DENND6A: variants seen among roughly 807,000 people sequenced by gnomAD.
The protein encoded by DENND6A is DENN domain containing 6A.
In DENND6A, 43 loss-of-function variants were observed where a neutral mutation model predicts 95.5. The observed-to-expected ratio is 0.45, with a 90% confidence interval of 0.35 to 0.58. The LOEUF is 0.58. Among genes scored for constraint, DENND6A ranks in the 20% least tolerant of loss-of-function variants. DENND6A has a pLI of 0.00. For synonymous variants in DENND6A, 257 were observed against 260.4 expected (o/e 0.99, Z 0.13); for missense variants, 574 against 736.0 (o/e 0.78, Z 2.55).
At chr3:57,665,999 T>A in intron 4 of DENND6A, 124 bp downstream of exon 4, 4 of 625,246 alleles carry the variant, frequency 6.4e-6, no homozygotes, top group Non-Finnish European at 1.1e-5. Context: ...CTTTGGAAAT[T>A]CAGCTATATA....
chr3:57,679,364 T>C (rs1575864278), intron 1 of DENND6A: 1 of 347,708 alleles, frequency 2.9e-6, no homozygotes, highest in Non-Finnish European at 4.0e-6. Context: ...TTCTTTTTCA[T>C]TGTTGTTGTT....
intron 1 of DENND6A, among the ~76,000 whole-genome samples, chr3:57,675,812 C>T (rs532942495): frequency 4.6e-5 from 7 of 152,350 alleles, no homozygotes; most frequent in African/African-American, 1.7e-4. Context: ...AAATTACACA[C>T]TCAGTGCTTG....
In DENND6A at chr3:57,665,674, T is replaced by TA. The variant is rs965549829; in HGVS notation, c.432+448dup. Among the ~76,000 whole-genome samples, 13 of 151,436 alleles carry TA rather than the reference T, an allele frequency of 8.6e-5. No homozygotes were observed. In the East Asian group the frequency reaches 9.7e-4, roughly 11 times the overall value. The stretch of plus-strand genomic sequence containing the variant: ...CAGATGAAAACGTTCCTCATGTACT[T>TA]AAAAAAAAATCTAGGCTGTAAGGTC... On this transcript the variant is annotated intron_variant, in intron 4 of 19. Coordinates refer to ENST00000311128, the MANE Select transcript of DENND6A (RefSeq NM_152678.3).
chr3:57,630,943 T>G lies in DENND6A; in HGVS notation c.1389A>C (p.Lys463Asn). 6.2e-7 allele frequency: 1 copy of G among 1,613,550 alleles called. No individual in the cohort carries two copies. Among genetic ancestry groups the G allele is most frequent in the East Asian group, 2.2e-5 (1 of 44,850 alleles). ...TTCATACCTTCCATGGGGAAATACT[T>G]TTCTGCAAAGGCATCAAGCTTGCCA... ...RYVASLMPLQ[K>N]SISPWKSPPQ... The change falls in exon 16 of 20, where the codon AAA becomes AAC. Residue 463 changes from lysine (K) to asparagine (N), a missense_variant. Around this residue, in one of 2 missense-constraint regions of DENND6A, gnomAD observed 452 missense variants for 630.9 expected, o/e 0.72. Transcript: ENST00000311128.
intron 1 of DENND6A, among the ~76,000 whole-genome samples, chr3:57,676,445 A>C (rs542374590): frequency 6.6e-6 from 1 of 151,680 alleles, no homozygotes; most frequent in African/African-American, 2.4e-5. Context: ...ATCCTTCTCT[A>C]ATCTTTTAAC....
chr3:57,678,966 T>C (rs1017472088), intron 1 of DENND6A, among the ~76,000 whole-genome samples: 2 of 152,194 alleles, frequency 1.3e-5, no homozygotes, highest in Non-Finnish European at 2.9e-5. Flanking sequence ...TAGCTGGGCA[T>C]GGTGGCACAC....
Position 57,645,703 on chromosome 3 carries a change from T to C in DENND6A, c.995A>G (p.His332Arg). ...FSDFRPYFTI[H>R]DSEFKEYTTR... ...AGTATATTCTTTGAATTCACTATCATGAATAGTGAAATAAGGTCGGAAATC... is the reference window on the plus strand; with the variant it reads ...AGTATATTCTTTGAATTCACTATCACGAATAGTGAAATAAGGTCGGAAATC... The change falls in exon 11 of 20, where the codon CAT becomes CGT. Residue 332 changes from histidine (H) to arginine (R), a missense_variant. By Grantham distance (29) the His-to-Arg change is conservative. This residue lies in a region of DENND6A where 452 missense variants were observed against 630.9 expected (regional missense o/e 0.72). Transcript: ENST00000311128. 2 of 1,613,424 alleles carry C rather than the reference T, an allele frequency of 1.2e-6. No individual in the cohort carries two copies. The highest frequency in any genetic ancestry group is 1.1e-5 in the South Asian group (1 of 91,036).
At chr3:57,687,843 G>C (rs1298480096) in intron 1 of DENND6A, among the ~76,000 whole-genome samples, 1 of 151,468 alleles carries the variant, frequency 6.6e-6, no homozygotes, top group African/African-American at 2.4e-5. Flanking sequence ...TGAGACAGAA[G>C]GATCACCTGA....
Position 57,628,017 on chromosome 3 carries a change from C to A in DENND6A, c.*197G>T. On this transcript the variant is annotated 3_prime_UTR_variant, in exon 20 of 20. Coordinates refer to ENST00000311128, the MANE Select transcript of DENND6A (RefSeq NM_152678.3). ...TCGGTGTTTCAGTATTAAAGTGGAACCACCACAGATATCCACTTTAAAAAG... is the reference window on the plus strand; with the variant it reads ...TCGGTGTTTCAGTATTAAAGTGGAAACACCACAGATATCCACTTTAAAAAG... 1.6e-6 allele frequency: 1 copy of A among 625,728 alleles called. No homozygotes were observed. The highest frequency in any genetic ancestry group is 1.8e-5 in the African/African-American group (1 of 54,062). 38.8% of individuals were successfully genotyped at this position (625,728 alleles called of 1,614,324 possible).
chr3:57,640,344 G>A (rs2070901487), intron 12 of DENND6A, among the ~76,000 whole-genome samples: 1 of 151,334 alleles, frequency 6.6e-6, no homozygotes, highest in Admixed American at 6.6e-5. Flanking sequence ...TGTAATCCCA[G>A]CACTTTGGGA....
intron 11 of DENND6A, among the ~76,000 whole-genome samples, chr3:57,644,362 G>C (rs2071020161): frequency 6.6e-6 from 1 of 151,930 alleles, no homozygotes; most frequent in Non-Finnish European, 1.5e-5. Flanking sequence ...CTGGAGTCCA[G>C]TGGCACGATC....
chr3:57,663,259 G>A (rs1424098690), intron 5 of DENND6A, among the ~76,000 whole-genome samples: 2 of 150,426 alleles, frequency 1.3e-5, no homozygotes, highest in Middle Eastern at 3.4e-3. Flanking sequence ...AAGGTCAAGA[G>A]TTCAAGACCA....
chr3:57,686,713 T>C (rs1330497762), intron 1 of DENND6A, among the ~76,000 whole-genome samples: 1 of 152,210 alleles, frequency 6.6e-6, no homozygotes, highest in African/African-American at 2.4e-5. Flanking sequence ...CCATATAAGA[T>C]GGCAAATTTA....
intron 1 of DENND6A, among the ~76,000 whole-genome samples, chr3:57,686,814 CA>C (rs1347815344): frequency 2.0e-5 from 3 of 152,168 alleles, no homozygotes; most frequent in African/African-American, 7.2e-5. Flanking sequence ...CCGTAAGACA[CA>C]ACAATATTTG....
At chr3:57,678,375 A>C (rs775069209) in intron 1 of DENND6A, among the ~76,000 whole-genome samples, 3 of 152,250 alleles carry the variant, frequency 2.0e-5, no homozygotes, top group Non-Finnish European at 2.9e-5. Context: ...AACTGCCCTC[A>C]GAGGGGGCAT....
At chr3:57,643,023 GAA>G (rs2070984737) in intron 11 of DENND6A, among the ~76,000 whole-genome samples, 1 of 88,476 alleles carries the variant, frequency 1.1e-5, no homozygotes. Context: ...AAAAAAAAAA[GAA>G]AGATCACTCT....
At chr3:57,633,925 T>G (rs897517007) in intron 14 of DENND6A, among the ~76,000 whole-genome samples, 6 of 151,560 alleles carry the variant, frequency 4.0e-5, no homozygotes, top group African/African-American at 1.5e-4. Context: ...ATAAAGACAA[T>G]CTTTATTTTA....
At chr3:57,639,551 T>C (rs931585818) in intron 12 of DENND6A, among the ~76,000 whole-genome samples, 1 of 152,162 alleles carries the variant, frequency 6.6e-6, no homozygotes, top group African/African-American at 2.4e-5. Flanking sequence ...TTAAAAAAAT[T>C]TATCATATCA....
intron 11 of DENND6A, among the ~76,000 whole-genome samples, chr3:57,644,828 C>A (rs2071042249): frequency 9.6e-6 from 1 of 103,874 alleles, no homozygotes; most frequent in South Asian, 3.6e-4. Context: ...GGGGGAAAGA[C>A]AGAAAGAAAA....
Sources: gnomAD v4.1 joint callset for allele counts (sites outside exome capture counted in the v4.1 genomes callset) on GRCh38, gnomAD v4.1.1 for gene constraint, gnomAD v4.1.1 regional missense constraint, MANE v1.5 for transcripts, NCBI Gene and HGNC (gene_info 2026-07-23, HGNC 2026-07-21) for gene names.